Variants in PABPC4 observed in about 807,000 individuals in gnomAD.
PABPC4 encodes the protein poly(A) binding protein cytoplasmic 4.
A neutral mutation model predicts 74.5 loss-of-function variants in PABPC4; 15 were observed. That is an observed-to-expected ratio of 0.20 (90% CI 0.13 to 0.31). The LOEUF (loss-of-function observed/expected upper bound fraction) is 0.31, where lower values mean the gene tolerates loss of function less well. PABPC4 is among the 10% of genes least tolerant of loss of function. The pLI is 1.00. For synonymous variants in PABPC4, 345 were observed against 303.0 expected (o/e 1.14, Z -1.44); for missense variants, 610 against 853.5 (o/e 0.71, Z 3.55).
chr1:39,571,508 T>C, intron 2 of PABPC4, 159 bp from the exon 3 acceptor site: 1 of 701,874 alleles, frequency 1.4e-6, no homozygotes, highest in Non-Finnish European at 2.4e-6. Context: ...CAGCACCAGG[T>C]GCCTAGTAAG....
rs1158233825 is a variant in PABPC4 at position 39,576,239 on chromosome 1, A to T, written c.-288T>A. On this transcript the variant is annotated 5_prime_UTR_variant, in exon 1 of 16. Coordinates refer to ENST00000372858, the MANE Select transcript of PABPC4 (RefSeq NM_001135653.2). The stretch of plus-strand genomic sequence containing the variant: ...TGGTGCGAAGCTCCAAATTTCAAAA[A>T]ATCAAAGTAGGAAAAAAATTAAACG... 1 of 343,478 alleles carries T rather than the reference A, an allele frequency of 2.9e-6. No homozygotes were observed. The highest frequency in any genetic ancestry group is 5.2e-6 in the Non-Finnish European group (1 of 190,874). 21.3% of individuals were successfully genotyped at this position (343,478 alleles called of 1,614,324 possible).
chr1:39,561,014 CCTATTAA>C lies in PABPC4; in HGVS notation c.*115_*121del. 1 of 402,316 alleles carries C rather than the reference CCTATTAA, an allele frequency of 2.5e-6. No homozygotes were observed. Among genetic ancestry groups the C allele is most frequent in the Non-Finnish European group, 5.2e-6 (1 of 191,382 alleles). 24.9% of individuals were successfully genotyped at this position (402,316 alleles called of 1,614,324 possible). A position where few individuals can be genotyped will look rare whatever the true frequency, so the allele number is the denominator to read the frequency against. ...TAATTGACCTTTTGATACAAAATGACCTATTAAATTTGCAATTTGTAATCCTTGGTGT... is the reference window on the plus strand; with the variant it reads ...TAATTGACCTTTTGATACAAAATGACATTTGCAATTTGTAATCCTTGGTGT... On this transcript the variant is annotated 3_prime_UTR_variant, in exon 16 of 16. Transcript: ENST00000372858.
chr1:39,567,226 A>G (rs982323435), intron 7 of PABPC4: 2 of 342,416 alleles, frequency 5.8e-6, no homozygotes, highest in Admixed American at 3.8e-5. Flanking sequence ...AACTTAGTTG[A>G]TATGATTATC....
At position 39,576,117 on chromosome 1, in the gene PABPC4, G is replaced by C. The variant is rs1046006255; in HGVS notation, c.-166C>G. On this transcript the variant is annotated 5_prime_UTR_variant, in exon 1 of 16. Transcript: ENST00000372858. ...GCGGGCTTGGAGACGGGACGGAAACGGGAGGCGGGGGCCGGCTCCCACGGC... is the reference window on the plus strand; with the variant it reads ...GCGGGCTTGGAGACGGGACGGAAACCGGAGGCGGGGGCCGGCTCCCACGGC... 9 of 520,400 alleles carry C rather than the reference G, an allele frequency of 1.7e-5. No individual in the cohort carries two copies. The highest frequency in any genetic ancestry group is 2.7e-5 in the Non-Finnish European group (8 of 297,280). The allele number at this position is 520,400 out of a possible 1,614,324, so 32.2% of individuals were successfully genotyped here.
intron 7 of PABPC4, 115 bp downstream of exon 7, chr1:39,567,635 TA>T: frequency 1.4e-6 from 1 of 713,702 alleles, no homozygotes; most frequent in Non-Finnish European, 2.5e-6. Context: ...TAGAAAAACG[TA>T]GTAGCTACTT....
chr1:39,563,975 C>T, intron 10 of PABPC4, 53 bp from the exon 11 acceptor site: 10 of 1,518,844 alleles, frequency 6.6e-6, no homozygotes, highest in Non-Finnish European at 9.1e-6. Flanking sequence ...GTCCAACTGG[C>T]CACGTCCCAC....
At position 39,575,958 on chromosome 1, in the gene PABPC4, GCCC is replaced by G. The variant is rs1177059174; in HGVS notation, c.-10_-8del. 1 of 1,527,824 alleles carries G rather than the reference GCCC, an allele frequency of 6.5e-7. No homozygotes were observed. The highest frequency in any genetic ancestry group is 2.5e-5 in the East Asian group (1 of 40,510). 94.6% of individuals were successfully genotyped at this position (1,527,824 alleles called of 1,614,324 possible). On this transcript the variant is annotated 5_prime_UTR_variant, in exon 1 of 16. Transcript: ENST00000372858. Reference sequence around the variant, plus strand: ...TGCTGGCCGCAGCGTTCATCTCCCCGCCCCCCACCACCCCGAGCCCCGCCAGGA... The same window carrying G: ...TGCTGGCCGCAGCGTTCATCTCCCCGCCCACCACCCCGAGCCCCGCCAGGA...
chr1:39,561,088 T>C lies in PABPC4; in HGVS notation c.*48A>G, dbSNP rs139441501. 2 of 470,284 alleles carry C rather than the reference T, an allele frequency of 4.3e-6. No homozygotes were observed. The highest frequency in any genetic ancestry group is 4.0e-5 in the African/African-American group (2 of 50,188). 29.1% of individuals were successfully genotyped at this position (470,284 alleles called of 1,614,324 possible). ...AGCTAGGAAGTCTTCAAACCTTGAG[T>C]TGAATTCCATAAGGGGTTATTTGGC... On this transcript the variant is annotated 3_prime_UTR_variant, in exon 16 of 16. Transcript: ENST00000372858.
intron 10 of PABPC4, 143 bp from the exon 11 acceptor site, chr1:39,564,065 T>C: frequency 1.4e-6 from 1 of 694,442 alleles, no homozygotes; most frequent in Middle Eastern, 2.9e-4. Context: ...AGCCAAAGGA[T>C]AACATACAAC....
At position 39,564,776 on chromosome 1, in the gene PABPC4, G is replaced by GT; in HGVS notation, c.1246-4dup. 1 of 1,611,570 alleles carries GT rather than the reference G, an allele frequency of 6.2e-7. No individual in the cohort carries two copies. The highest frequency in any genetic ancestry group is 1.7e-5 in the Admixed American group (1 of 60,014). ...TAATATGGAGGCCTTCCCTGAGCCT[G>GT]TAAGACAGAAGAATACCCAAACACC... On this transcript the variant is annotated splice_region_variant and splice_polypyrimidine_tract_variant and intron_variant, in intron 8 of 15. Coordinates refer to ENST00000372858, the MANE Select transcript of PABPC4 (RefSeq NM_001135653.2).
At chr1:39,573,034 G>A (rs1343825779) in intron 1 of PABPC4, 1 of 155,608 alleles carries the variant, frequency 6.4e-6, no homozygotes, top group Admixed American at 6.5e-5. Context: ...TGTGCAGCTA[G>A]CTAGTAATTA....
chr1:39,564,621 G>A, intron 9 of PABPC4, 65 bp downstream of exon 9: 2 of 1,609,664 alleles, frequency 1.2e-6, no homozygotes, highest in Non-Finnish European at 1.7e-6. Flanking sequence ...TGGGGAAGAA[G>A]GAAAGGCAGG....
rs1165857270 is a variant in PABPC4, at chr1:39,560,849, G to GT, written c.*286dup. 6.4e-5 allele frequency: 11 copies of GT among 170,860 alleles called. No homozygotes were observed. Among genetic ancestry groups the GT allele is most frequent in the South Asian group, 5.6e-4 (4 of 7,204 alleles). The allele number at this position is 170,860 out of a possible 1,614,324, so 10.6% of individuals were successfully genotyped here. A position where few individuals can be genotyped will look rare whatever the true frequency, so the allele number is the denominator to read the frequency against. On this transcript the variant is annotated 3_prime_UTR_variant, in exon 16 of 16. Transcript: ENST00000372858. Reference sequence around the variant, plus strand: ...AGATTTTTTTTCTTTATTGGGAAACGTAAGACTTGGGTACATCAAATAAAA... The same window carrying GT: ...AGATTTTTTTTCTTTATTGGGAAACGTTAAGACTTGGGTACATCAAATAAAA...
chr1:39,571,920 A>G (rs957368999), intron 2 of PABPC4, among the ~76,000 whole-genome samples: 4 of 152,240 alleles, frequency 2.6e-5, no homozygotes, highest in Admixed American at 6.5e-5. Flanking sequence ...GGTGCAAACC[A>G]CGGTGATGCA....
chr1:39,575,714 G>A, intron 1 of PABPC4, 45 bp downstream of exon 1: 2 of 1,456,456 alleles, frequency 1.4e-6, no homozygotes, highest in Non-Finnish European at 1.8e-6. Context: ...CGACTCCCGG[G>A]GTCCTCCGGG....
chr1:39,570,959 C>A, intron 3 of PABPC4: 3 of 1,003,756 alleles, frequency 3.0e-6, no homozygotes, highest in Non-Finnish European at 4.1e-6. Context: ...TGCTTTCCAG[C>A]CAGCCCCAGT....
At chr1:39,570,978 C>T in intron 3 of PABPC4, 2 of 1,205,014 alleles carry the variant, frequency 1.7e-6, no homozygotes, top group Non-Finnish European at 2.2e-6. Flanking sequence ...GTTGTTGATG[C>T]TCACAAAACC....
intron 1 of PABPC4, among the ~76,000 whole-genome samples, chr1:39,574,345 G>A (rs1357052687): frequency 6.6e-6 from 1 of 152,198 alleles, no homozygotes; most frequent in Non-Finnish European, 1.5e-5. Flanking sequence ...ACAGCTCCTC[G>A]TCTATTTCCA....
intron 2 of PABPC4, 104 bp from the exon 3 acceptor site, chr1:39,571,453 C>A: frequency 1.5e-6 from 2 of 1,327,338 alleles, no homozygotes; most frequent in Non-Finnish European, 1.1e-6. Flanking sequence ...CATCCATGGC[C>A]AATGGTGGTC....
Sources: gnomAD v4.1 joint callset for allele counts (sites outside exome capture counted in the v4.1 genomes callset) on GRCh38, gnomAD v4.1.1 for gene constraint, MANE v1.5 for transcripts, NCBI Gene and HGNC (gene_info 2026-07-23, HGNC 2026-07-21) for gene names.